CDH18: variants seen among roughly 807,000 people sequenced by gnomAD.
CDH18 encodes the protein cadherin 18, also known as cadherin-18.
CDH18 carries 31 observed loss-of-function variants against 67.9 expected under a neutral mutation model. The observed-to-expected ratio is 0.46, with a 90% CI of 0.34 to 0.62. The LOEUF is 0.62. CDH18 is among the 20% of genes least tolerant of loss of function. The probability of loss-of-function intolerance (pLI) is 0.01; values close to 1 mark genes in which losing one functional copy is unlikely to be tolerated. For synonymous variants in CDH18, 362 were observed against 347.2 expected (o/e 1.04, Z -0.48); for missense variants, 890 against 975.5 (o/e 0.91, Z 1.17).
intron 1 of CDH18, among the ~76,000 whole-genome samples, chr5:20,414,843 T>A (rs946378452): frequency 6.6e-6 from 1 of 152,134 alleles, no homozygotes; most frequent in Non-Finnish European, 1.5e-5. Context: ...AAAACAAATG[T>A]TGCTGAGGGT....
intron 3 of CDH18, among the ~76,000 whole-genome samples, chr5:19,814,165 CTTTA>C (rs141859984): frequency 0.019 from 2,890 of 151,492 alleles, 92 homozygotes; most frequent in African/African-American, 0.066. Context: ...ACTATTGAGA[CTTTA>C]TTTATGTTTC....
intron 2 of CDH18, among the ~76,000 whole-genome samples, chr5:20,191,177 A>G (rs1029512878): frequency 1.3e-5 from 2 of 152,082 alleles, no homozygotes. Context: ...AAATGAGAAA[A>G]AGTTTGATAT....
chr5:20,414,985 G>A (rs888490157), intron 1 of CDH18, among the ~76,000 whole-genome samples: 8 of 152,152 alleles, frequency 5.3e-5, no homozygotes, highest in African/African-American at 1.9e-4. Flanking sequence ...ACACTTCTGA[G>A]TATTTACCAA....
intron 11 of CDH18, among the ~76,000 whole-genome samples, chr5:19,489,386 T>TTTGG (rs1740951796): frequency 9.9e-5 from 15 of 151,818 alleles, no homozygotes; most frequent in Admixed American, 9.9e-4. Context: ...TAGCTGGGAC[T>TTTGG]ACAGGCGCCC....
chr5:20,202,642 A>G (rs1487237868), intron 2 of CDH18, among the ~76,000 whole-genome samples: 1 of 151,960 alleles, frequency 6.6e-6, no homozygotes, highest in Non-Finnish European at 1.5e-5. Flanking sequence ...ACTCTCCCAC[A>G]TTCAGGTTCT....
At chr5:20,249,733 T>C (rs775843699) in intron 2 of CDH18, among the ~76,000 whole-genome samples, 1 of 152,218 alleles carries the variant, frequency 6.6e-6, no homozygotes, top group Non-Finnish European at 1.5e-5. Context: ...AACAAGCATC[T>C]TTTGAATTCT....
chr5:19,674,575 T>C (rs1291067337), intron 5 of CDH18, among the ~76,000 whole-genome samples: 2 of 152,112 alleles, frequency 1.3e-5, no homozygotes, highest in Non-Finnish European at 1.5e-5. Flanking sequence ...AAGTAGTCAA[T>C]TGACATCACA....
At chr5:19,636,443 T>C (rs1009669426) in intron 5 of CDH18, among the ~76,000 whole-genome samples, 1 of 152,042 alleles carries the variant, frequency 6.6e-6, no homozygotes, top group Non-Finnish European at 1.5e-5. Flanking sequence ...GGCTAAAATG[T>C]TGTACTTTAT....
intron 2 of CDH18, among the ~76,000 whole-genome samples, chr5:20,152,939 A>ATTTTTTTT (rs34475393): frequency 1.4e-4 from 18 of 125,886 alleles, no homozygotes; most frequent in African/African-American, 4.4e-4. Flanking sequence ...AGGATGAGGA[A>ATTTTTTTT]TTTTTTTTTT....
At chr5:19,561,118 A>G (rs574624782) in intron 8 of CDH18, among the ~76,000 whole-genome samples, 5 of 152,128 alleles carry the variant, frequency 3.3e-5, no homozygotes, top group African/African-American at 1.2e-4. Context: ...TACAGAACTA[A>G]AAGTACATCT....
At chr5:20,102,718 C>T (rs1052264950) in intron 2 of CDH18, among the ~76,000 whole-genome samples, 2 of 151,572 alleles carry the variant, frequency 1.3e-5, no homozygotes. Context: ...CTGATAAAGC[C>T]AAAACAAAAG....
chr5:20,351,237 A>G (rs1741160305), intron 1 of CDH18, among the ~76,000 whole-genome samples: 1 of 131,122 alleles, frequency 7.6e-6, no homozygotes, highest in East Asian at 2.3e-4. Flanking sequence ...CAGAATGTCA[A>G]CTCCATGGGG....
At chr5:19,531,001 C>T (rs547668544) in intron 9 of CDH18, among the ~76,000 whole-genome samples, 21 of 152,258 alleles carry the variant, frequency 1.4e-4, no homozygotes, top group Middle Eastern at 3.4e-3. Context: ...GAGATGAACC[C>T]GGTACCTCAG....
chr5:20,058,548 T>G (rs1243693626), intron 2 of CDH18, among the ~76,000 whole-genome samples: 1 of 152,154 alleles, frequency 6.6e-6, no homozygotes, highest in Non-Finnish European at 1.5e-5. Flanking sequence ...AGGTAGAGAT[T>G]AAAATATTTT....
At chr5:19,816,648 A>G (rs1290164693) in intron 3 of CDH18, among the ~76,000 whole-genome samples, 1 of 151,888 alleles carries the variant, frequency 6.6e-6, no homozygotes, top group Non-Finnish European at 1.5e-5. Context: ...AAAAATAGGA[A>G]GTCAGATGTA....
At chr5:20,414,741 G>C (rs1233000515) in intron 1 of CDH18, among the ~76,000 whole-genome samples, 1 of 152,172 alleles carries the variant, frequency 6.6e-6, no homozygotes, top group East Asian at 1.9e-4. Context: ...CTAATCATGA[G>C]TGAAATACAA....
intron 9 of CDH18, among the ~76,000 whole-genome samples, chr5:19,531,849 T>A (rs1748672331): frequency 6.6e-6 from 1 of 152,152 alleles, no homozygotes; most frequent in African/African-American, 2.4e-5. Context: ...CTTGACTCAT[T>A]AACGCAAAAG....
intron 3 of CDH18, among the ~76,000 whole-genome samples, chr5:19,759,329 A>G (rs1581223493): frequency 6.6e-6 from 1 of 152,252 alleles, no homozygotes; most frequent in East Asian, 1.9e-4. Context: ...AATGTCTGCA[A>G]TCCCTCCAGG....
chr5:19,814,606 T>A (rs1005891800), intron 3 of CDH18, among the ~76,000 whole-genome samples: 4 of 152,044 alleles, frequency 2.6e-5, no homozygotes, highest in African/African-American at 9.7e-5. Context: ...TATACCCTTT[T>A]GCACTTGTAG....
Sources: gnomAD v4.1 joint callset for allele counts (sites outside exome capture counted in the v4.1 genomes callset) on GRCh38, gnomAD v4.1.1 for gene constraint, MANE v1.5 for transcripts, NCBI Gene and HGNC (gene_info 2026-07-23, HGNC 2026-07-21) for gene names.